Variants in GRIK4 observed in about 807,000 individuals in gnomAD.
The protein encoded by GRIK4 is glutamate receptor ionotropic, kainate 4.
A neutral mutation model predicts 104.9 loss-of-function variants in GRIK4; 40 were observed. The observed-to-expected ratio is 0.38, with a 90% CI of 0.30 to 0.50. GRIK4 has a LOEUF of 0.50. GRIK4 is among the 20% of genes least tolerant of loss of function. The pLI, the probability that GRIK4 is intolerant of heterozygous loss-of-function variation, is 0.93. For missense variants in GRIK4, 1,047 were observed against 1,308.1 expected (o/e 0.80, Z 3.08); for synonymous variants, 485 against 524.9 (o/e 0.92, Z 1.04).
At position 120,957,042 on chromosome 11, in the gene GRIK4, C is replaced by G. The variant is rs1417916514; in HGVS notation, c.1874+89C>G. 4 of 1,145,146 alleles carry G rather than the reference C, an allele frequency of 3.5e-6. No individual in the cohort carries two copies. The African/African-American group carries it at 4.6e-5, about 13-fold the overall frequency. 70.9% of individuals were successfully genotyped at this position (1,145,146 alleles called of 1,614,324 possible). On this transcript the variant is annotated intron_variant, in intron 16 of 20. Transcript: ENST00000527524. ...TAAGCCGGCTCTAGCTTCTAGAGCCCCAGAGCCTCTGCCTCTTACAGCAGA... is the reference window on the plus strand; with the variant it reads ...TAAGCCGGCTCTAGCTTCTAGAGCCGCAGAGCCTCTGCCTCTTACAGCAGA...
chr11:120,925,261 A>G (rs1030266879), intron 13 of GRIK4, among the ~76,000 whole-genome samples: 1 of 152,146 alleles, frequency 6.6e-6, no homozygotes, highest in Non-Finnish European at 1.5e-5. Context: ...TCCTAATTAC[A>G]GGGCTGACAA....
At chr11:120,732,002 T>G (rs1394414822) in intron 3 of GRIK4, among the ~76,000 whole-genome samples, 2 of 152,006 alleles carry the variant, frequency 1.3e-5, no homozygotes, top group African/African-American at 4.8e-5. Context: ...AAAAACCAAC[T>G]CTCTGTTTCA....
intron 19 of GRIK4, among the ~76,000 whole-genome samples, chr11:120,975,220 G>A (rs1363340418): frequency 6.6e-6 from 1 of 152,312 alleles, no homozygotes; most frequent in Non-Finnish European, 1.5e-5. Flanking sequence ...ATGGAAGTGT[G>A]AGACATCTTA....
chr11:120,831,249 G>A (rs1953420118), intron 6 of GRIK4, among the ~76,000 whole-genome samples: 1 of 152,198 alleles, frequency 6.6e-6, no homozygotes, highest in South Asian at 2.1e-4. Context: ...TAAGGGAATT[G>A]CTCCTCCACC....
chr11:120,822,207 A>G (rs113891395), intron 6 of GRIK4, among the ~76,000 whole-genome samples: 6,207 of 118,962 alleles, frequency 0.052, 531 homozygotes, highest in African/African-American at 0.2. Flanking sequence ...GGGAAACCCT[A>G]TCTCAAAAAA....
intron 3 of GRIK4, among the ~76,000 whole-genome samples, chr11:120,722,746 C>G (rs765167958): frequency 6.6e-6 from 1 of 152,250 alleles, no homozygotes; most frequent in Non-Finnish European, 1.5e-5. Context: ...GGCCCCCTGG[C>G]TACACGTTGC....
chr11:120,856,325 A>G (rs1954104325), intron 8 of GRIK4, among the ~76,000 whole-genome samples: 1 of 152,208 alleles, frequency 6.6e-6, no homozygotes, highest in African/African-American at 2.4e-5. Flanking sequence ...CACATTGCAC[A>G]ATGTGGCACC....
intron 1 of GRIK4, among the ~76,000 whole-genome samples, chr11:120,625,016 G>C (rs1454332353): frequency 6.6e-6 from 1 of 152,172 alleles, no homozygotes; most frequent in Non-Finnish European, 1.5e-5. Context: ...GGGCGCGGTG[G>C]CTCACGCCTG....
intron 1 of GRIK4, among the ~76,000 whole-genome samples, chr11:120,624,764 T>G (rs542115158): frequency 4.6e-5 from 7 of 152,206 alleles, no homozygotes; most frequent in African/African-American, 1.7e-4. Context: ...GTGAAACAGC[T>G]CCCACCTCAC....
In GRIK4 at chr11:120,740,784, G is replaced by GTA. The variant is rs369296795; in HGVS notation, c.83-61908_83-61907dup. On this transcript the variant is annotated intron_variant, in intron 3 of 20. Coordinates refer to ENST00000527524, the MANE Select transcript of GRIK4 (RefSeq NM_014619.5). Reference sequence around the variant, plus strand: ...CGTGAGTGCCTCAGTTAGTGTACCTGTAAAGTACAATGGCCTCTCCCACCC... The same window carrying GTA: ...CGTGAGTGCCTCAGTTAGTGTACCTGTATAAAGTACAATGGCCTCTCCCACCC... Among the ~76,000 whole-genome samples, 642 of 152,284 alleles carry GTA rather than the reference G, an allele frequency of 4.2e-3. 5 individuals are homozygous for GTA. The highest frequency in any genetic ancestry group is 0.014 in the African/African-American group (597 of 41,554).
chr11:120,619,838 A>G (rs1236581744), intron 1 of GRIK4: 1 of 181,730 alleles, frequency 5.5e-6, no homozygotes, highest in Non-Finnish European at 1.1e-5. Flanking sequence ...AGCTAATTAA[A>G]TCTCTTTTCA....
intron 11 of GRIK4, among the ~76,000 whole-genome samples, chr11:120,877,091 C>G (rs779797721): frequency 6.6e-6 from 1 of 152,182 alleles, no homozygotes; most frequent in South Asian, 2.1e-4. Flanking sequence ...CAGAGAGGAG[C>G]CCAGAGTCCT....
At chr11:120,847,076 C>G (rs999514711) in intron 8 of GRIK4, among the ~76,000 whole-genome samples, 1 of 152,212 alleles carries the variant, frequency 6.6e-6, no homozygotes, top group Middle Eastern at 3.2e-3. Flanking sequence ...AAATCCAGTT[C>G]GTGCCAAGGT....
intron 14 of GRIK4, among the ~76,000 whole-genome samples, chr11:120,946,626 A>G (rs1943867322): frequency 6.6e-6 from 1 of 152,232 alleles, no homozygotes. Context: ...AAGCACTTCC[A>G]TATACAGTCT....
intron 3 of GRIK4, among the ~76,000 whole-genome samples, chr11:120,684,754 A>G (rs1269862452): frequency 1.3e-5 from 2 of 151,756 alleles, no homozygotes; most frequent in Non-Finnish European, 2.9e-5. Context: ...TCTGTCGCCC[A>G]GGCTGGAGTG....
chr11:120,781,050 C>T (rs1210014976), intron 3 of GRIK4, among the ~76,000 whole-genome samples: 2 of 151,980 alleles, frequency 1.3e-5, no homozygotes, highest in African/African-American at 2.4e-5. Context: ...CCACATTATC[C>T]GTTTTTATAG....
At chr11:120,966,984 C>T (rs1591342700) in intron 18 of GRIK4, among the ~76,000 whole-genome samples, 2 of 152,168 alleles carry the variant, frequency 1.3e-5, no homozygotes, top group Admixed American at 1.3e-4. Context: ...GAGAACACTG[C>T]GTGAAGCCAG....
At chr11:120,558,642 T>C (rs1433781621) in intron 1 of GRIK4, among the ~76,000 whole-genome samples, 3 of 152,186 alleles carry the variant, frequency 2.0e-5, no homozygotes, top group Non-Finnish European at 2.9e-5. Flanking sequence ...ATGTGTTCAG[T>C]TCTGACAGTT....
intron 1 of GRIK4, among the ~76,000 whole-genome samples, chr11:120,612,523 G>A (rs529449315): frequency 3.3e-5 from 5 of 151,380 alleles, no homozygotes; most frequent in Non-Finnish European, 5.9e-5. Context: ...AATCTTATTA[G>A]CCTTGTTAAG....
Sources: allele counts gnomAD v4.1 joint callset (sites outside exome capture counted in the v4.1 genomes callset), GRCh38; gene constraint gnomAD v4.1.1; transcripts MANE v1.5; gene names NCBI Gene and HGNC (gene_info 2026-07-23, HGNC 2026-07-21).